Variants in UCK1 observed in about 807,000 individuals in gnomAD.
The protein encoded by UCK1 is cytidine monophosphokinase 1.
In UCK1, 20 loss-of-function variants were observed where a neutral mutation model predicts 34.0. The observed-to-expected ratio is 0.59, with a 90% CI of 0.41 to 0.86. The LOEUF is 0.86. Ranked by LOEUF, UCK1 falls within the 40% of genes least tolerant of loss-of-function variation. The pLI is 0.00. For missense variants in UCK1, 343 were observed against 383.6 expected, an observed-to-expected ratio of 0.89 and a Z score of 0.88; for synonymous variants, 168 against 155.9, an observed-to-expected ratio of 1.08 and a Z score of -0.58.
rs1254294425 is a variant in UCK1, at chr9:131,524,673, TCAA to T, written c.*364_*366del. The T allele has an allele frequency of 4.8e-6, 1 of 206,614 alleles. No individual in the cohort carries two copies. The highest frequency in any genetic ancestry group is 2.3e-5 in the African/African-American group (1 of 43,090). 12.8% of individuals were successfully genotyped at this position (206,614 alleles called of 1,614,324 possible). ...ACTCTCTCCCACTGTGGGTTCACTG[TCAA>T]CAAAACATCAGGCCAGCCAGTGTCT... On this transcript the variant is annotated 3_prime_UTR_variant, in exon 7 of 7. Coordinates refer to ENST00000372215, the MANE Select transcript of UCK1 (RefSeq NM_031432.5).
chr9:131,529,281 C>T lies in UCK1; in HGVS notation c.366-11G>A, dbSNP rs370983343. 15 of 1,613,984 alleles carry T rather than the reference C, an allele frequency of 9.3e-6. No individual in the cohort carries two copies. In the African/African-American group the frequency reaches 1.7e-4, roughly 19 times the overall value. On this transcript the variant is annotated splice_polypyrimidine_tract_variant and intron_variant, in intron 3 of 6. Transcript: ENST00000372215. Reference sequence around the variant, plus strand: ...GTGGTCTCTGGTAACCTGAGGGGCGCACGGGGAAAGGGGCTCTGCTGCAGA... The same window carrying T: ...GTGGTCTCTGGTAACCTGAGGGGCGTACGGGGAAAGGGGCTCTGCTGCAGA...
In UCK1 at chr9:131,531,175, C is replaced by T. The variant is rs1950831021; in HGVS notation, c.-1G>A. The T allele has an allele frequency of 1.4e-6, 2 of 1,411,610 alleles. No homozygotes were observed. The highest frequency in any genetic ancestry group is 3.1e-5 in the African/African-American group (2 of 65,336). The allele number at this position is 1,411,610 out of a possible 1,614,324, so 87.4% of individuals were successfully genotyped here. On this transcript the variant is annotated 5_prime_UTR_variant, in exon 1 of 7. Transcript: ENST00000372215. ...AGTCTTCGCCTCCCGCCGAAGCCAT[C>T]TCGGCCTCCGCTCCCGCGCATCGGG...
intron 5 of UCK1, chr9:131,526,518 C>T (rs1015495306): frequency 7.8e-7 from 1 of 1,289,150 alleles, no homozygotes; most frequent in Non-Finnish European, 1.0e-6. Flanking sequence ...TGAGGAAGGA[C>T]AAGGATGGAG....
chr9:131,530,036 C>T (rs1309242484), intron 2 of UCK1, among the ~76,000 whole-genome samples: 1 of 152,218 alleles, frequency 6.6e-6, no homozygotes, highest in Non-Finnish European at 1.5e-5. Context: ...CCGCATCTGC[C>T]CGTTTACCTG....
At chr9:131,528,657 T>G in intron 5 of UCK1, 2 of 492,334 alleles carry the variant, frequency 4.1e-6, no homozygotes, top group Non-Finnish European at 7.4e-6. Flanking sequence ...TGCAGAGGGT[T>G]TTCAGTGTTG....
chr9:131,526,509 G>A, intron 5 of UCK1: 1 of 1,289,530 alleles, frequency 7.8e-7, no homozygotes. Flanking sequence ...CTCTGCTGCT[G>A]AGGAAGGACA....
rs947107907 is a variant in UCK1, at chr9:131,528,587, C to T, written c.603+357G>A. 5.9e-5 allele frequency among the ~76,000 whole-genome samples: 9 copies of T among 152,258 alleles called. 1 individual carries two copies. Among genetic ancestry groups the T allele is most frequent in the Admixed American group, 2.0e-4 (3 of 15,294 alleles). ...CTCTGCGGGGAATAAGCACCCAGGA[C>T]GTGTCAGATGATGGTAAGTGCCCCG... is the stretch of plus-strand genomic sequence containing the variant. On this transcript the variant is annotated intron_variant, in intron 5 of 6. Coordinates refer to ENST00000372215, the MANE Select transcript of UCK1 (RefSeq NM_031432.5).
chr9:131,531,248 G>C lies in UCK1; in HGVS notation c.-74C>G, dbSNP rs1950836764. On this transcript the variant is annotated 5_prime_UTR_variant, in exon 1 of 7. Transcript: ENST00000372215. ...AGGCCCGGCGCGCCCGCCCAGCGCC[G>C]AGGTCGGAGGCAACCGGAGCGATCA... is the stretch of plus-strand genomic sequence containing the variant. The C allele has an allele frequency of 6.3e-6, 8 of 1,265,526 alleles. No homozygotes were observed. Among genetic ancestry groups the C allele is most frequent in the African/African-American group, 3.4e-5 (2 of 59,430 alleles). The allele number at this position is 1,265,526 out of a possible 1,614,324, so 78.4% of individuals were successfully genotyped here.
intron 2 of UCK1, 48 bp from the exon 3 acceptor site, chr9:131,529,632 C>T (rs771637028): frequency 7.0e-6 from 11 of 1,579,134 alleles, no homozygotes; most frequent in African/African-American, 2.7e-5. Flanking sequence ...CCTCGTGCAG[C>T]GGACAGCAGG....
At chr9:131,526,059 G>T in intron 5 of UCK1, 82 bp from the exon 6 acceptor site, 1 of 1,542,354 alleles carries the variant, frequency 6.5e-7, no homozygotes, top group South Asian at 1.1e-5. Flanking sequence ...AGATGCAACA[G>T]CAGGAGGGGC....
At position 131,529,541 on chromosome 9, in the gene UCK1, G is replaced by T; in HGVS notation, c.312C>A (p.Ile104=). The part of the protein sequence containing the change: ...NDLMHRTLKN[I]VEGKTVEVPT... ...GCACCTCCACCGTTTTGCCCTCCAC[G>T]ATGTTCTTCAGAGTCCTGTGCATCA... The change falls in exon 3 of 7, where the codon ATC becomes ATA. Residue 104 remains isoleucine (I), a synonymous_variant. Coordinates refer to ENST00000372215, the MANE Select transcript of UCK1 (RefSeq NM_031432.5). 3 of 1,614,150 alleles carry T rather than the reference G, an allele frequency of 1.9e-6. No homozygotes were observed. The highest frequency in any genetic ancestry group is 2.5e-6 in the Non-Finnish European group (3 of 1,180,030).
In UCK1 at chr9:131,528,710, C is replaced by G. The variant is rs7859459; in HGVS notation, c.603+234G>C. On this transcript the variant is annotated intron_variant, in intron 5 of 6. Transcript: ENST00000372215. The stretch of plus-strand genomic sequence containing the variant: ...AGGGCCTGAGGCAGGGAGGAAGCGG[C>G]CAGTGTGAATGTGGGGGAGATATGG... 3,080 of 578,346 alleles carry G rather than the reference C, an allele frequency of 5.3e-3. 81 individuals are homozygous for G. Among genetic ancestry groups the G allele is most frequent in the African/African-American group, 0.052 (2,784 of 53,276 alleles). The allele number at this position is 578,346 out of a possible 1,614,324, so 35.8% of individuals were successfully genotyped here.
At chr9:131,530,116 C>A (rs1950774034) in intron 2 of UCK1, among the ~76,000 whole-genome samples, 1 of 152,188 alleles carries the variant, frequency 6.6e-6, no homozygotes, top group Non-Finnish European at 1.5e-5. Flanking sequence ...GAGGACTTTG[C>A]CCCAAAGCAC....
In UCK1 at chr9:131,529,208, A is replaced by C; in HGVS notation, c.428T>G (p.Phe143Cys). The part of the protein sequence containing the change: ...DVVLFEGILV[F>C]YSQEIRDMFH... ...CATGTCCCGGATCTCCTGGCTGTAG[A>C]ACACCAAGATGCCCTCAAACAGAAC... The change falls in exon 4 of 7, where the codon TTC becomes TGC. Residue 143 changes from phenylalanine (F) to cysteine (C), a missense_variant. Phe to Cys is a radical substitution (Grantham distance 205, BLOSUM62 -2). Transcript: ENST00000372215. 6.2e-7 allele frequency: 1 copy of C among 1,614,152 alleles called. No homozygotes were observed. Among genetic ancestry groups the C allele is most frequent in the South Asian group, 1.1e-5 (1 of 91,082 alleles).
chr9:131,525,972 C>T lies in UCK1; in HGVS notation c.609G>A (p.Lys203=), dbSNP rs1950590454. The stretch of plus-strand genomic sequence containing the variant: ...GCGGGATGATCACATCGGCATACTT[C>T]TTTGTCTGTAAGGCACAAGGGGGGG... ...PAFEEFCLPT[K]KYADVIIPRG... is the part of the protein sequence containing the mutation. Residue 203 remains lysine (K), a synonymous_variant, in exon 6 of 7, where the codon AAG becomes AAA. Transcript: ENST00000372215. 1 of 1,614,090 alleles carries T rather than the reference C, an allele frequency of 6.2e-7. No homozygotes were observed. Among genetic ancestry groups the T allele is most frequent in the Non-Finnish European group, 8.5e-7 (1 of 1,180,004 alleles).
Position 131,531,141 on chromosome 9 carries a change from G to A in UCK1, c.34C>T (p.Pro12Ser). 2 of 1,447,302 alleles carry A rather than the reference G, an allele frequency of 1.4e-6. No homozygotes were observed. Among genetic ancestry groups the A allele is most frequent in the Non-Finnish European group, 9.1e-7 (1 of 1,103,484 alleles). 89.7% of individuals were successfully genotyped at this position (1,447,302 alleles called of 1,614,324 possible). The change falls in exon 1 of 7, where the codon CCC becomes TCC. Residue 12 changes from proline (P) to serine (S), a missense_variant. Physicochemically the swap from Pro to Ser is moderately conservative, Grantham distance 74 (BLOSUM62 -1). Coordinates refer to ENST00000372215, the MANE Select transcript of UCK1 (RefSeq NM_031432.5). ...ASAGGEDCES[P>S]APEADRPHQR... is the part of the protein sequence containing the mutation. ...TGCGGACGGTCGGCCTCCGGCGCGG[G>A]GCTCTCGCAGTCTTCGCCTCCCGCC...
Position 131,531,244 on chromosome 9 carries a change from C to CTT in UCK1, c.-71_-70insAA. ...CCCCAGGCCCGGCGCGCCCGCCCAG[C>CTT]GCCGAGGTCGGAGGCAACCGGAGCG... On this transcript the variant is annotated 5_prime_UTR_variant, in exon 1 of 7. Coordinates refer to ENST00000372215, the MANE Select transcript of UCK1 (RefSeq NM_031432.5). 7.8e-6 allele frequency: 10 copies of CTT among 1,284,608 alleles called. No individual in the cohort carries two copies. Among genetic ancestry groups the CTT allele is most frequent in the African/African-American group, 5.0e-5 (3 of 59,846 alleles). 79.6% of individuals were successfully genotyped at this position (1,284,608 alleles called of 1,614,324 possible). A position where few individuals can be genotyped will look rare whatever the true frequency, so the allele number is the denominator to read the frequency against.
In UCK1 at chr9:131,530,420, C is replaced by T; in HGVS notation, c.268+66G>A. On this transcript the variant is annotated intron_variant, in intron 2 of 6. Coordinates refer to ENST00000372215, the MANE Select transcript of UCK1 (RefSeq NM_031432.5). Reference sequence around the variant, plus strand: ...GCATCCATCCAACCTTGGGCCCAAGCGCAGCTGGTTAGCGGCCGCCCAGAA... The same window carrying T: ...GCATCCATCCAACCTTGGGCCCAAGTGCAGCTGGTTAGCGGCCGCCCAGAA... 6 of 1,590,952 alleles carry T rather than the reference C, an allele frequency of 3.8e-6. 1 individual carries two copies. In the South Asian group the frequency reaches 6.7e-5, roughly 18 times the overall value.
intron 1 of UCK1, 174 bp from the exon 2 acceptor site, chr9:131,530,819 T>A: frequency 8.3e-7 from 1 of 1,211,692 alleles, no homozygotes; most frequent in Non-Finnish European, 1.2e-6. Flanking sequence ...CCAACGGGGT[T>A]AGCACGGACT....
Sources: gnomAD v4.1 joint callset for allele counts (sites outside exome capture counted in the v4.1 genomes callset) on GRCh38, gnomAD v4.1.1 for gene constraint, MANE v1.5 for transcripts, NCBI Gene and HGNC (gene_info 2026-07-23, HGNC 2026-07-21) for gene names.